HPSE2: variants seen among roughly 807,000 people sequenced by gnomAD.
The protein encoded by HPSE2 is heparanase 2 (inactive).
A neutral mutation model predicts 60.5 loss-of-function variants in HPSE2; 38 were observed. The observed-to-expected ratio is 0.63, with a 90% CI of 0.48 to 0.82. The LOEUF (loss-of-function observed/expected upper bound fraction) is 0.82, where lower values mean the gene tolerates loss of function less well. Among genes scored for constraint, HPSE2 ranks in the 40% least tolerant of loss-of-function variants. HPSE2 has a pLI of 0.00. For synonymous variants in HPSE2, 295 were observed against 293.2 expected (o/e 1.01, Z -0.06); for missense variants, 713 against 740.4 (o/e 0.96, Z 0.43).
chr10:98,721,797 C>G lies in HPSE2; in HGVS notation c.816G>C (p.Arg272=). ...TTCCCAACTGGCTGCCATTTACTGC[C>G]CGGCCATGCATGGTCCGATAGTTAT... ...EPNNYRTMHG[R]AVNGSQLGKD... Residue 272 remains arginine (R), a synonymous_variant, in exon 5 of 12, where the codon CGG becomes CGC. Transcript: ENST00000370552. 6.2e-7 allele frequency: 1 copy of G among 1,613,454 alleles called. No individual in the cohort carries two copies. The highest frequency in any genetic ancestry group is 1.1e-5 in the South Asian group (1 of 91,046).
intron 9 of HPSE2, among the ~76,000 whole-genome samples, chr10:98,586,864 G>A (rs1365617635): frequency 2.6e-5 from 4 of 152,156 alleles, no homozygotes; most frequent in South Asian, 2.1e-4. Context: ...AAACATTGGC[G>A]CAGAGGAATA....
At chr10:98,467,860 C>T (rs1196371328) in intron 11 of HPSE2, among the ~76,000 whole-genome samples, 1 of 152,272 alleles carries the variant, frequency 6.6e-6, no homozygotes, top group Non-Finnish European at 1.5e-5. Context: ...ATTAAGGAAA[C>T]GTGCGAAACG....
chr10:98,969,482 A>G (rs563849278), intron 3 of HPSE2, among the ~76,000 whole-genome samples: 7 of 152,072 alleles, frequency 4.6e-5, no homozygotes, highest in Non-Finnish European at 1.0e-4. Context: ...AAATCCCACA[A>G]CTCTCAAGGT....
intron 11 of HPSE2, among the ~76,000 whole-genome samples, chr10:98,468,710 T>C (rs1451503904): frequency 6.6e-6 from 1 of 152,148 alleles, no homozygotes; most frequent in South Asian, 2.1e-4. Context: ...ACTTGTTGAG[T>C]TCTGCTCAAT....
intron 2 of HPSE2, among the ~76,000 whole-genome samples, chr10:99,181,397 CAAA>C (rs58049545): frequency 1.5e-4 from 16 of 104,768 alleles, no homozygotes; most frequent in South Asian, 5.7e-4. Flanking sequence ...GACTCCGTCT[CAAA>C]AAAAAAAAAA....
chr10:98,888,524 T>C (rs1953238835), intron 3 of HPSE2, among the ~76,000 whole-genome samples: 1 of 152,190 alleles, frequency 6.6e-6, no homozygotes, highest in African/African-American at 2.4e-5. Context: ...ATTACCTGTT[T>C]TGACCTTGAA....
At chr10:98,558,934 C>T (rs945993239) in intron 9 of HPSE2, among the ~76,000 whole-genome samples, 37 of 152,324 alleles carry the variant, frequency 2.4e-4, no homozygotes, top group African/African-American at 8.9e-4. Context: ...ATAGGGTATA[C>T]ACCATTCGCT....
intron 6 of HPSE2, among the ~76,000 whole-genome samples, chr10:98,678,258 C>T (rs1362042848): frequency 2.6e-5 from 4 of 152,140 alleles, no homozygotes; most frequent in Admixed American, 2.0e-4. Flanking sequence ...TTACATTTTT[C>T]CCCCATCCAC....
intron 3 of HPSE2, among the ~76,000 whole-genome samples, chr10:98,750,554 C>T (rs72842320): frequency 0.015 from 2,285 of 152,024 alleles, 32 homozygotes; most frequent in African/African-American, 0.03. Context: ...GTGGCTTGGA[C>T]CAGGGTGGTA....
At chr10:98,738,167 A>G (rs1292074308) in intron 4 of HPSE2, among the ~76,000 whole-genome samples, 1 of 152,220 alleles carries the variant, frequency 6.6e-6, no homozygotes, top group African/African-American at 2.4e-5. Context: ...GAGGCCTCAG[A>G]AATAACACCA....
chr10:99,097,424 G>C (rs1451876775), intron 3 of HPSE2, among the ~76,000 whole-genome samples: 1 of 152,062 alleles, frequency 6.6e-6, no homozygotes, highest in African/African-American at 2.4e-5. Context: ...ATGTGTTTTA[G>C]GGTTTCTCTA....
chr10:99,289,795 C>T, the HPSE2 span, among the ~76,000 whole-genome samples: 1 of 152,046 alleles, frequency 6.6e-6, no homozygotes, highest in African/African-American at 2.4e-5. Flanking sequence ...CAGTTTACGG[C>T]AAATTAAATT....
chr10:99,133,629 C>G (rs1251984373), intron 3 of HPSE2, among the ~76,000 whole-genome samples: 2 of 152,132 alleles, frequency 1.3e-5, no homozygotes, highest in African/African-American at 4.8e-5. Flanking sequence ...CAAACTCCAG[C>G]AGACCAGCAG....
chr10:99,109,217 C>G (rs977618740), intron 3 of HPSE2, among the ~76,000 whole-genome samples: 7 of 152,082 alleles, frequency 4.6e-5, no homozygotes, highest in South Asian at 2.1e-4. Context: ...ATGGGAAGAA[C>G]AATGAACTCA....
At chr10:99,013,281 A>T in intron 3 of HPSE2, 1 of 620,820 alleles carries the variant, frequency 1.6e-6, no homozygotes, top group Non-Finnish European at 3.1e-6. Flanking sequence ...AAAAATCAGT[A>T]ACCCAGCTTT....
At chr10:98,827,346 C>T (rs1951575376) in intron 3 of HPSE2, among the ~76,000 whole-genome samples, 1 of 151,980 alleles carries the variant, frequency 6.6e-6, no homozygotes, top group Admixed American at 6.6e-5. Context: ...GCTGGGACTA[C>T]AGGCATGCAC....
chr10:98,695,284 C>T (rs991889337), intron 5 of HPSE2, among the ~76,000 whole-genome samples: 7 of 152,144 alleles, frequency 4.6e-5, no homozygotes, highest in Middle Eastern at 6.8e-3. Context: ...AGAAGGAGGA[C>T]GAGGACGGAG....
rs573090822 is a variant in HPSE2 at position 99,046,614 on chromosome 10, A to C, written c.610+97624T>G. Among the ~76,000 whole-genome samples the C allele has an allele frequency of 2.6e-5, 4 of 152,248 alleles. No homozygotes were observed. In the East Asian group the frequency reaches 7.7e-4, roughly 29 times the overall value. The stretch of plus-strand genomic sequence containing the variant: ...CCCAAAAGGCTACTATAAAAGATCA[A>C]TGATTTTAATAAGGTTTCAGGATAC... On this transcript the variant is annotated intron_variant, in intron 3 of 11. Coordinates refer to ENST00000370552, the MANE Select transcript of HPSE2 (RefSeq NM_021828.5).
At chr10:98,713,624 G>T (rs574679995) in intron 5 of HPSE2, among the ~76,000 whole-genome samples, 1 of 151,952 alleles carries the variant, frequency 6.6e-6, no homozygotes, top group South Asian at 2.1e-4. Flanking sequence ...TGGAGATTCC[G>T]AATGTAAACT....
Sources: gnomAD v4.1 joint callset for allele counts (sites outside exome capture counted in the v4.1 genomes callset) on GRCh38, gnomAD v4.1.1 for gene constraint, MANE v1.5 for transcripts, NCBI Gene and HGNC (gene_info 2026-07-23, HGNC 2026-07-21) for gene names.